The following TIAM1 variants were observed in gnomAD, a reference collection of about 807,000 sequenced individuals.
TIAM1 encodes TIAM Rac1 associated GEF 1, also known as rho guanine nucleotide exchange factor TIAM1.
A neutral mutation model predicts 163.5 loss-of-function variants in TIAM1; 65 were observed. That is an observed-to-expected ratio of 0.40 (90% CI 0.33 to 0.49). TIAM1 has a LOEUF of 0.49. Among genes scored for constraint, TIAM1 ranks in the 20% least tolerant of loss-of-function variants. The pLI is 0.77. For synonymous variants in TIAM1, 833 were observed against 810.1 expected (o/e 1.03, Z -0.48); for missense variants, 1,789 against 2,044.7 (o/e 0.87, Z 2.41).
At chr21:31,150,835 T>A (rs1215209702) in intron 19 of TIAM1, among the ~76,000 whole-genome samples, 1 of 152,186 alleles carries the variant, frequency 6.6e-6, no homozygotes, top group Non-Finnish European at 1.5e-5. Flanking sequence ...AAATCATGTA[T>A]CTGATAAAGG....
Position 31,344,176 on chromosome 21 carries a change from C to T in TIAM1, c.-407G>A, listed in dbSNP as rs1415474535. 2 of 152,304 alleles carry T rather than the reference C, an allele frequency of 1.3e-5. No homozygotes were observed. Among genetic ancestry groups the T allele is most frequent in the African/African-American group, 4.8e-5 (2 of 41,464 alleles). 9.4% of individuals were successfully genotyped at this position (152,304 alleles called of 1,614,324 possible). On this transcript the variant is annotated 5_prime_UTR_variant, in exon 1 of 28. Transcript: ENST00000541036. ...GGCGCGCACGTTTCTCCCCGTCTGG[C>T]TTCACATGTCCCAAACTTCCAGTAA...
chr21:31,214,469 A>G (rs1569041396), intron 9 of TIAM1, among the ~76,000 whole-genome samples: 1 of 152,212 alleles, frequency 6.6e-6, no homozygotes, highest in Non-Finnish European at 1.5e-5. Flanking sequence ...CCAGATACTT[A>G]TAAGTAAAAA....
chr21:31,397,660 C>T (rs1384863067), intron 2 of TIAM1, among the ~76,000 whole-genome samples: 1 of 152,148 alleles, frequency 6.6e-6, no homozygotes, highest in Non-Finnish European at 1.5e-5. Context: ...GGCTTGGTGC[C>T]AACACGTTAT....
chr21:31,283,520 T>G (rs1345788382), intron 2 of TIAM1, among the ~76,000 whole-genome samples: 3 of 151,526 alleles, frequency 2.0e-5, no homozygotes, highest in African/African-American at 7.3e-5. Context: ...TCTTTCTTTC[T>G]TTCTTTTCTT....
chr21:31,329,944 T>C (rs574777823), intron 2 of TIAM1, among the ~76,000 whole-genome samples: 10 of 152,308 alleles, frequency 6.6e-5, no homozygotes, highest in African/African-American at 2.4e-4. Context: ...ATTTCCCATA[T>C]ACCTCCTGCC....
At chr21:31,131,041 T>C (rs773267609) in intron 23 of TIAM1, 93 bp from the exon 24 acceptor site, 4 of 1,024,392 alleles carry the variant, frequency 3.9e-6, no homozygotes, top group Non-Finnish European at 6.0e-6. Flanking sequence ...ACTACAGTTA[T>C]GAAGAGGACG....
chr21:31,121,856 G>C (rs2082015055), intron 27 of TIAM1, among the ~76,000 whole-genome samples: 1 of 152,160 alleles, frequency 6.6e-6, no homozygotes, highest in South Asian at 2.1e-4. Flanking sequence ...CACAGGGAAG[G>C]CTTCTGCTTC....
intron 22 of TIAM1, among the ~76,000 whole-genome samples, chr21:31,137,089 G>A (rs16987818): frequency 0.037 from 5,682 of 152,302 alleles, 358 homozygotes; most frequent in African/African-American, 0.13. Context: ...CAAGTTCAAC[G>A]TCTATGCCTC....
Position 31,182,452 on chromosome 21 carries a change from C to T in TIAM1, c.2856G>A (p.Glu952=). 2 of 1,596,258 alleles carry T rather than the reference C, an allele frequency of 1.3e-6. No individual in the cohort carries two copies. The highest frequency in any genetic ancestry group is 1.7e-6 in the Non-Finnish European group (2 of 1,171,852). The part of the protein sequence containing the change: ...HRVDGPADLG[E]SPLAFLTSNP... The stretch of plus-strand genomic sequence containing the variant: ...TGCTGGTGAGAAAGGCGAGGGGGCT[C>T]TCGCCAAGGTCGGCAGGGCCGTCCA... The change falls in exon 15 of 28, where the codon GAG becomes GAA. Residue 952 remains glutamate (E), a synonymous_variant. Coordinates refer to ENST00000541036, the MANE Select transcript of TIAM1 (RefSeq NM_001353694.2).
chr21:31,186,927 T>A, intron 14 of TIAM1, 74 bp downstream of exon 14: 2 of 1,260,480 alleles, frequency 1.6e-6, no homozygotes, highest in Non-Finnish European at 2.3e-6. Flanking sequence ...TGGGCATATC[T>A]TTCTCCTTCA....
At chr21:31,188,823 C>T (rs1228968152) in intron 13 of TIAM1, among the ~76,000 whole-genome samples, 1 of 152,110 alleles carries the variant, frequency 6.6e-6, no homozygotes, top group African/African-American at 2.4e-5. Context: ...ATCCTCCCAC[C>T]TCAGCCTCTC....
chr21:31,524,598 G>A (rs190282665), intron 1 of TIAM1, among the ~76,000 whole-genome samples: 178 of 152,296 alleles, frequency 1.2e-3, no homozygotes, highest in Non-Finnish European at 1.9e-3. Flanking sequence ...CTTTGAAATA[G>A]AAAAATGGAA....
chr21:31,368,567 C>G (rs529891193), intron 2 of TIAM1, among the ~76,000 whole-genome samples: 1 of 152,204 alleles, frequency 6.6e-6, no homozygotes, highest in South Asian at 2.1e-4. Flanking sequence ...CATCACAAGG[C>G]AGAAAAAAGC....
intron 1 of TIAM1, among the ~76,000 whole-genome samples, chr21:31,542,005 G>A (rs763426992): frequency 4.6e-5 from 7 of 152,178 alleles, no homozygotes; most frequent in African/African-American, 7.2e-5. Flanking sequence ...CCTAAAACCA[G>A]TGCCCTCACC....
intron 15 of TIAM1, among the ~76,000 whole-genome samples, chr21:31,174,183 G>A (rs1043117321): frequency 6.6e-6 from 1 of 152,066 alleles, no homozygotes; most frequent in Non-Finnish European, 1.5e-5. Flanking sequence ...TTTCAGAATC[G>A]AGCTCCAGGC....
chr21:31,455,992 T>C (rs1206777846), intron 2 of TIAM1, among the ~76,000 whole-genome samples: 3 of 152,162 alleles, frequency 2.0e-5, no homozygotes, highest in Non-Finnish European at 2.9e-5. Context: ...TGGCAATGTG[T>C]CCGTGTTAAT....
At chr21:31,489,732 G>C (rs1238481891) in intron 1 of TIAM1, among the ~76,000 whole-genome samples, 10 of 152,032 alleles carry the variant, frequency 6.6e-5, no homozygotes, top group African/African-American at 2.2e-4. Context: ...GTCTGAGACA[G>C]CATGTCAGCT....
chr21:31,376,776 T>C (rs969151940), intron 2 of TIAM1, among the ~76,000 whole-genome samples: 1 of 152,008 alleles, frequency 6.6e-6, no homozygotes, highest in Non-Finnish European at 1.5e-5. Flanking sequence ...CCTGGATGAA[T>C]GGTAAGTGAT....
chr21:31,438,501 T>A (rs2044300482), intron 2 of TIAM1, among the ~76,000 whole-genome samples: 1 of 152,250 alleles, frequency 6.6e-6, no homozygotes, highest in African/African-American at 2.4e-5. Context: ...ATATTTGTGA[T>A]CTTTTCCATG....
Sources: allele counts gnomAD v4.1 joint callset (sites outside exome capture counted in the v4.1 genomes callset), GRCh38; gene constraint gnomAD v4.1.1; transcripts MANE v1.5; gene names NCBI Gene and HGNC (gene_info 2026-07-23, HGNC 2026-07-21).